The following ANKRD30BL variants were observed in gnomAD, a reference collection of about 807,000 sequenced individuals.
The protein encoded by ANKRD30BL is putative ankyrin repeat domain-containing protein 30B-like.
Under a neutral mutation model 18.4 loss-of-function variants are expected in ANKRD30BL, and 20 were observed. The observed-to-expected ratio is 1.09, with a 90% confidence interval of 0.77 to 1.58. ANKRD30BL has a LOEUF of 1.58. ANKRD30BL is among the 40% of genes most tolerant of loss of function. ANKRD30BL has a pLI of 0.00. For missense variants in ANKRD30BL, 224 were observed against 268.6 expected (o/e 0.83, Z 1.16); for synonymous variants, 72 against 100.9 (o/e 0.71, Z 1.72).
chr2:132,240,729 G>T (rs1680293026), intron 1 of ANKRD30BL, among the ~76,000 whole-genome samples: 1 of 151,638 alleles, frequency 6.6e-6, no homozygotes, highest in Non-Finnish European at 1.5e-5. Flanking sequence ...ATCTCACAGA[G>T]TTGAACATTA....
At chr2:132,221,848 G>A (rs367580615) in intron 1 of ANKRD30BL, among the ~76,000 whole-genome samples, 3,816 of 112,054 alleles carry the variant, frequency 0.034, 97 homozygotes, top group South Asian at 0.067. Flanking sequence ...CCGGCCAGCC[G>A]CCCCGTCCGG....
At chr2:132,255,277 G>A (rs1248126366) in intron 1 of ANKRD30BL, among the ~76,000 whole-genome samples, 4 of 152,028 alleles carry the variant, frequency 2.6e-5, no homozygotes, top group Admixed American at 6.6e-5. Context: ...GAATGCCCCC[G>A]GCCGTCCCTC....
intron 1 of ANKRD30BL, among the ~76,000 whole-genome samples, chr2:132,256,494 G>T (rs979285796): frequency 1.3e-5 from 2 of 152,244 alleles, no homozygotes; most frequent in African/African-American, 2.4e-5. Flanking sequence ...GGGCGGCCCC[G>T]ACGTTTGGGC....
At chr2:132,231,346 C>T (rs1005820960) in intron 1 of ANKRD30BL, among the ~76,000 whole-genome samples, 11 of 152,238 alleles carry the variant, frequency 7.2e-5, no homozygotes, top group South Asian at 2.1e-4. Context: ...CCAAGATGGC[C>T]GAATAGGAAC....
At chr2:132,186,526 AG>A (rs1377111431) in intron 1 of ANKRD30BL, among the ~76,000 whole-genome samples, 1 of 152,236 alleles carries the variant, frequency 6.6e-6, no homozygotes, top group Non-Finnish European at 1.5e-5. Flanking sequence ...ACATAAGGAA[AG>A]CTTAATGTTA....
At chr2:132,203,504 TACA>T (rs951168656) in intron 1 of ANKRD30BL, among the ~76,000 whole-genome samples, 3 of 152,174 alleles carry the variant, frequency 2.0e-5, no homozygotes, top group South Asian at 2.1e-4. Flanking sequence ...AAAAAAATTT[TACA>T]ACAAGAAAAT....
At chr2:132,149,335 C>A (rs1217319854) in intron 5 of ANKRD30BL, among the ~76,000 whole-genome samples, 3 of 152,250 alleles carry the variant, frequency 2.0e-5, no homozygotes, top group South Asian at 4.2e-4. Flanking sequence ...TTACTATCAA[C>A]ACACTAATTA....
chr2:132,247,682 G>T (rs796600994), intron 1 of ANKRD30BL, among the ~76,000 whole-genome samples: 1 of 150,196 alleles, frequency 6.7e-6, no homozygotes, highest in African/African-American at 2.5e-5. Flanking sequence ...CAAAAGAAAA[G>T]TTCTACTCTG....
At chr2:132,212,556 T>G (rs1300654958) in intron 1 of ANKRD30BL, among the ~76,000 whole-genome samples, 1 of 151,874 alleles carries the variant, frequency 6.6e-6, no homozygotes, top group African/African-American at 2.4e-5. Context: ...TTCTTTTGAT[T>G]GAGCAACTTG....
chr2:132,223,937 A>T (rs993126937), intron 1 of ANKRD30BL, among the ~76,000 whole-genome samples: 2 of 152,190 alleles, frequency 1.3e-5, no homozygotes, highest in South Asian at 2.1e-4. Flanking sequence ...GAACGCTTTG[A>T]GGCCTTCGTT....
At chr2:132,208,641 C>T (rs1164787239) in intron 1 of ANKRD30BL, among the ~76,000 whole-genome samples, 3 of 151,632 alleles carry the variant, frequency 2.0e-5, no homozygotes, top group Non-Finnish European at 2.9e-5. Context: ...ATTTAAGATA[C>T]AGAAAAATAA....
At chr2:132,257,192 C>G (rs796609525) in intron 1 of ANKRD30BL, 45 of 429,274 alleles carry the variant, frequency 1.0e-4, no homozygotes, top group Non-Finnish European at 2.0e-4. Context: ...TCCTCCAACC[C>G]GGTCAAGCTC....
intron 1 of ANKRD30BL, among the ~76,000 whole-genome samples, chr2:132,218,795 G>A (rs1679585255): frequency 6.6e-6 from 1 of 151,954 alleles, no homozygotes; most frequent in Non-Finnish European, 1.5e-5. Context: ...TTGGAAATGG[G>A]AATATCTTCA....
chr2:132,239,448 A>G (rs1464428683), intron 1 of ANKRD30BL, among the ~76,000 whole-genome samples: 1 of 151,448 alleles, frequency 6.6e-6, no homozygotes, highest in Non-Finnish European at 1.5e-5. Context: ...TTTGAGGTCT[A>G]GGTAGAAAAG....
chr2:132,160,618 T>G (rs1688030323), intron 1 of ANKRD30BL, among the ~76,000 whole-genome samples: 1 of 150,904 alleles, frequency 6.6e-6, no homozygotes, highest in Admixed American at 6.6e-5. Flanking sequence ...TTTTGTATTT[T>G]TAGTAGAGAC....
At chr2:132,175,674 C>T (rs761432864) in intron 1 of ANKRD30BL, among the ~76,000 whole-genome samples, 1 of 152,228 alleles carries the variant, frequency 6.6e-6, no homozygotes, top group Non-Finnish European at 1.5e-5. Context: ...TGTGGAGAAT[C>T]CTTGGACAAT....
rs559378756 is a variant in ANKRD30BL, at chr2:132,245,368, G to A, written n.441+12161C>T. On this transcript the variant is annotated intron_variant and non_coding_transcript_variant, in intron 1 of 4. Coordinates refer to the ANKRD30BL transcript ENST00000470729. Reference sequence around the variant, plus strand: ...ACATTAGCTTTTATACAGCAGATTGGAAACACTCTTTTTGGAGTATTTGGA... The same window carrying A: ...ACATTAGCTTTTATACAGCAGATTGAAAACACTCTTTTTGGAGTATTTGGA... Among the ~76,000 whole-genome samples the A allele has an allele frequency of 7.3e-5, 11 of 150,262 alleles. No individual in the cohort carries two copies. The Middle Eastern group carries it at 0.01, about 142-fold the overall frequency.
At chr2:132,187,176 T>G (rs1455258207) in intron 1 of ANKRD30BL, among the ~76,000 whole-genome samples, 144 of 144,568 alleles carry the variant, frequency 1.0e-3, no homozygotes, top group African/African-American at 3.8e-3. Context: ...TTTTTTGTTT[T>G]TTTTTTTGTT....
intron 1 of ANKRD30BL, among the ~76,000 whole-genome samples, chr2:132,221,794 C>T (rs1679694293): frequency 8.4e-6 from 1 of 119,470 alleles, no homozygotes; most frequent in African/African-American, 4.1e-5. Context: ...TCTGCCCGGC[C>T]AGCCGCCCCG....
Sources: allele counts gnomAD v4.1 joint callset (sites outside exome capture counted in the v4.1 genomes callset), GRCh38; gene constraint gnomAD v4.1.1; transcripts MANE v1.5; gene names NCBI Gene and HGNC (gene_info 2026-07-23, HGNC 2026-07-21).